The following GPM6B variants were observed in gnomAD, a reference collection of about 807,000 sequenced individuals.
GPM6B encodes the protein glycoprotein M6B.
A neutral mutation model predicts 27.2 loss-of-function variants in GPM6B; 4 were observed. The observed-to-expected ratio is 0.15, with a 90% confidence interval of 0.07 to 0.34. GPM6B has a LOEUF of 0.34. Among genes scored for constraint, GPM6B ranks in the 10% least tolerant of loss-of-function variants. GPM6B has a pLI of 1.00. For synonymous variants in GPM6B, 124 were observed against 103.1 expected (o/e 1.20, Z -1.23); for missense variants, 183 against 261.9 (o/e 0.70, Z 2.08).
At chrX:13,796,325 T>C (rs889344160) in intron 2 of GPM6B, among the ~76,000 whole-genome samples, 1 of 112,130 alleles carries the variant, frequency 8.9e-6, no homozygotes, top group African/African-American at 3.2e-5. Context: ...CACGTTGGCC[T>C]CCCAAAGTGC....
chrX:13,839,538 T>C (rs771329845), intron 1 of GPM6B, among the ~76,000 whole-genome samples: 4 of 111,586 alleles, frequency 3.6e-5, no homozygotes, highest in South Asian at 3.8e-4. Flanking sequence ...CCAACATCCA[T>C]GCCTGTGGGA....
intron 1 of GPM6B, among the ~76,000 whole-genome samples, chrX:13,845,002 T>G (rs2049628100): frequency 9.3e-6 from 1 of 107,622 alleles, no homozygotes; most frequent in Non-Finnish European, 1.9e-5. Context: ...CTTTTTTTTT[T>G]TTTTTGAGAC....
rs2049803665 is a variant in GPM6B at position 13,858,218 on chromosome X, C to T, written c.-197-72410G>A. Among the ~76,000 whole-genome samples, 3 of 111,827 alleles carry T rather than the reference C, an allele frequency of 2.7e-5. No homozygotes were observed. The Admixed American group carries it at 2.9e-4, about 11-fold the overall frequency. Reference sequence around the variant, plus strand: ...TCTCTTTCAGCATTGAATATTTGTGCCTTGTCATCTCCCTTACGAGTATCT... The same window carrying T: ...TCTCTTTCAGCATTGAATATTTGTGTCTTGTCATCTCCCTTACGAGTATCT... On this transcript the variant is annotated intron_variant, in intron 1 of 6. Coordinates refer to the GPM6B transcript ENST00000398361.
chrX:13,871,834 G>A (rs771655701), intron 1 of GPM6B, among the ~76,000 whole-genome samples: 2 of 112,059 alleles, frequency 1.8e-5, no homozygotes, highest in South Asian at 7.4e-4. Flanking sequence ...GGAAAGAGCT[G>A]CTGGGAAGTG....
At chrX:13,875,563 T>G (rs1195714447) in intron 1 of GPM6B, among the ~76,000 whole-genome samples, 2 of 111,964 alleles carry the variant, frequency 1.8e-5, no homozygotes, top group East Asian at 2.8e-4. Context: ...CTCAAACACT[T>G]GTACACACAT....
intron 1 of GPM6B, among the ~76,000 whole-genome samples, chrX:13,892,484 AC>A (rs2050197653): frequency 8.9e-6 from 1 of 112,330 alleles, no homozygotes; most frequent in Admixed American, 9.4e-5. Context: ...ATGCTTATAT[AC>A]CAAGTGGCCT....
rs763201416 is a variant in GPM6B, at chrX:13,830,954, C to T, written c.-197-45146G>A. 5.7e-4 allele frequency among the ~76,000 whole-genome samples: 63 copies of T among 110,382 alleles called. 2 individuals are homozygous for T. The highest frequency in any genetic ancestry group is 9.2e-3 in the Middle Eastern group (2 of 218). On this transcript the variant is annotated intron_variant, in intron 1 of 6. Transcript: ENST00000398361. ...ACTGCAAGGGAAAGGGGGCAGGGGT[C>T]GCTGTGGCCATGTGGTGGCATGCTA... is the stretch of plus-strand genomic sequence containing the variant.
chrX:13,817,146 G>A (rs2049252161), upstream of GPM6B: 1 of 938,101 alleles, frequency 1.1e-6, no homozygotes, highest in South Asian at 5.2e-5. Flanking sequence ...ATACGTCACC[G>A]AGGATCCCAG....
intron 1 of GPM6B, among the ~76,000 whole-genome samples, chrX:13,893,875 A>G (rs1442706389): frequency 8.9e-6 from 1 of 112,350 alleles, no homozygotes. Context: ...AAGAGAAGAG[A>G]ATTTGCCTTC....
At chrX:13,780,121 T>C in intron 4 of GPM6B, 132 bp from the exon 5 acceptor site, 3 of 471,452 alleles carry the variant, frequency 6.4e-6, no homozygotes, top group South Asian at 7.4e-5. Flanking sequence ...CGCCCCGGCA[T>C]TGGTAGCAAG....
chrX:13,867,522 A>G (rs1469356543), intron 1 of GPM6B, among the ~76,000 whole-genome samples: 3 of 112,030 alleles, frequency 2.7e-5, no homozygotes, highest in Non-Finnish European at 3.8e-5. Context: ...AAAGTATGAA[A>G]CTGCCGAGCA....
rs998104919 is a variant in GPM6B, at chrX:13,880,966, T to A, written c.-198+57361A>T. ...CCCCAAATTTGCACCAAGTCATGCA[T>A]GTCTTGGCTCAAACATCACCTCCAG... On this transcript the variant is annotated intron_variant, in intron 1 of 6. Transcript: ENST00000398361. Among the ~76,000 whole-genome samples the A allele has an allele frequency of 1.3e-4, 14 of 111,337 alleles. No homozygotes were observed. The Admixed American group carries it at 1.3e-3, about 11-fold the overall frequency.
rs1028077971 is a variant in GPM6B at position 13,776,049 on chromosome X, C to T, written c.837+189G>A. 16 of 433,452 alleles carry T rather than the reference C, an allele frequency of 3.7e-5. No individual in the cohort carries two copies. The Middle Eastern group carries it at 2.4e-3, about 66-fold the overall frequency. The allele number at this position is 433,452 out of a possible 1,213,427, so 35.7% of individuals were successfully genotyped here. On this transcript the variant is annotated intron_variant, in intron 7 of 7. Transcript: ENST00000316715. ...GAGTCCAAATTACATCACCTACAAT[C>T]AGTGCCAAGGCAACCAACTAATACT...
At chrX:13,886,288 G>T (rs1019511950) in intron 1 of GPM6B, among the ~76,000 whole-genome samples, 4 of 111,605 alleles carry the variant, frequency 3.6e-5, no homozygotes, top group Non-Finnish European at 7.5e-5. Flanking sequence ...AATGCCTTTA[G>T]GAACTCAATT....
chrX:13,799,985 C>A (rs1183471924), intron 2 of GPM6B, among the ~76,000 whole-genome samples: 6 of 111,783 alleles, frequency 5.4e-5, no homozygotes, highest in African/African-American at 2.0e-4. Context: ...TGGGCTGGAC[C>A]TAGTAGCTTA....
chrX:13,801,513 T>A (rs759623254), intron 2 of GPM6B, among the ~76,000 whole-genome samples: 3 of 112,527 alleles, frequency 2.7e-5, no homozygotes, highest in African/African-American at 9.7e-5. Flanking sequence ...AAGGACCAGA[T>A]GGCAAATATT....
In GPM6B at chrX:13,815,766, C is replaced by T. The variant is rs139495241; in HGVS notation, c.61+1078G>A. ...GTGAAGCTGAAGTACATGTAATTGC[C>T]GTTTTTGTAGGTTTAAAATGGTTGA... On this transcript the variant is annotated intron_variant, in intron 1 of 7. Coordinates refer to ENST00000316715, the MANE Select transcript of GPM6B (RefSeq NM_001001995.3). Among the ~76,000 whole-genome samples, 1,036 of 111,859 alleles carry T rather than the reference C, an allele frequency of 9.3e-3. 8 individuals carry two copies. The highest frequency in any genetic ancestry group is 0.043 in the South Asian group (116 of 2,686).
chrX:13,772,649 C>G lies in GPM6B; in HGVS notation c.*232G>C. 3.0e-6 allele frequency: 1 copy of G among 330,298 alleles called. No individual in the cohort carries two copies. Among genetic ancestry groups the G allele is most frequent in the East Asian group, 4.5e-5 (1 of 22,253 alleles). The allele number at this position is 330,298 out of a possible 1,213,427, so 27.2% of individuals were successfully genotyped here. A position where few individuals can be genotyped will look rare whatever the true frequency, so the allele number is the denominator to read the frequency against. On this transcript the variant is annotated 3_prime_UTR_variant, in exon 8 of 8. Coordinates refer to ENST00000316715, the MANE Select transcript of GPM6B (RefSeq NM_001001995.3). ...CCCAAAGTATGAACGATCATTTTGT[C>G]AAAGTGTTGCCTTTTAAAATGGCTA...
intron 2 of GPM6B, 139 bp downstream of exon 2, chrX:13,807,511 G>C (rs892762404): frequency 4.6e-6 from 2 of 433,436 alleles, no homozygotes; most frequent in Admixed American, 7.3e-5. Flanking sequence ...TTTATAGGGC[G>C]AATTCCACCC....
Sources: allele counts gnomAD v4.1 joint callset (sites outside exome capture counted in the v4.1 genomes callset), GRCh38; gene constraint gnomAD v4.1.1; transcripts MANE v1.5; gene names NCBI Gene and HGNC (gene_info 2026-07-23, HGNC 2026-07-21).